ZMAT4: variants seen among roughly 807,000 people sequenced by gnomAD.
ZMAT4 encodes the protein zinc finger matrin-type 4.
Under a neutral mutation model 28.7 loss-of-function variants are expected in ZMAT4, and 17 were observed. The observed-to-expected ratio is 0.59, with a 90% CI of 0.41 to 0.89. The LOEUF (loss-of-function observed/expected upper bound fraction) is 0.89, where lower values mean the gene tolerates loss of function less well. Among genes scored for constraint, ZMAT4 ranks in the 40% least tolerant of loss-of-function variants. ZMAT4 has a pLI of 0.00. For missense variants in ZMAT4, 240 were observed against 283.8 expected, an observed-to-expected ratio of 0.85 and a Z score of 1.11; for synonymous variants, 117 against 109.2, an observed-to-expected ratio of 1.07 and a Z score of -0.44.
At chr8:40,765,222 CT>C (rs1813101691) in intron 3 of ZMAT4, among the ~76,000 whole-genome samples, 1 of 152,162 alleles carries the variant, frequency 6.6e-6, no homozygotes, top group Non-Finnish European at 1.5e-5. Context: ...CAGACAACGT[CT>C]TTATATATTC....
intron 6 of ZMAT4, among the ~76,000 whole-genome samples, chr8:40,555,876 A>G (rs1217570775): frequency 6.6e-6 from 1 of 152,032 alleles, no homozygotes; most frequent in Non-Finnish European, 1.5e-5. Flanking sequence ...ACACACTGCA[A>G]TTTGTTTTCT....
At chr8:40,799,172 TAG>T (rs113084676) in intron 2 of ZMAT4, among the ~76,000 whole-genome samples, 5 of 147,938 alleles carry the variant, frequency 3.4e-5, no homozygotes, top group Admixed American at 6.7e-5. Flanking sequence ...GATGGATGAA[TAG>T]AGAGAGAGAG....
At chr8:40,849,534 C>G (rs1817027203) in intron 1 of ZMAT4, among the ~76,000 whole-genome samples, 1 of 152,122 alleles carries the variant, frequency 6.6e-6, no homozygotes, top group Non-Finnish European at 1.5e-5. Context: ...GCCACCTGTC[C>G]CCTGAAGAAC....
At chr8:40,603,423 T>C (rs756904096) in intron 5 of ZMAT4, among the ~76,000 whole-genome samples, 2 of 152,196 alleles carry the variant, frequency 1.3e-5, no homozygotes, top group Non-Finnish European at 2.9e-5. Context: ...TTTTTGGTTC[T>C]GTATGAGTTT....
chr8:40,775,380 A>G (rs889607261), intron 2 of ZMAT4, among the ~76,000 whole-genome samples: 4 of 152,240 alleles, frequency 2.6e-5, no homozygotes, highest in African/African-American at 9.6e-5. Context: ...AGATAGTCCT[A>G]AGCGGCATTG....
At chr8:40,740,017 G>T (rs973484814) in intron 3 of ZMAT4, among the ~76,000 whole-genome samples, 1 of 152,092 alleles carries the variant, frequency 6.6e-6, no homozygotes, top group African/African-American at 2.4e-5. Flanking sequence ...TGTATATGTT[G>T]CCACATTTTC....
intron 3 of ZMAT4, among the ~76,000 whole-genome samples, chr8:40,729,997 T>A (rs1325313048): frequency 6.6e-6 from 1 of 152,208 alleles, no homozygotes; most frequent in Non-Finnish European, 1.5e-5. Flanking sequence ...ATAATTATGT[T>A]TAAAATCTGC....
chr8:40,612,629 C>T (rs1805840237), intron 5 of ZMAT4, among the ~76,000 whole-genome samples: 1 of 136,982 alleles, frequency 7.3e-6, no homozygotes, highest in African/African-American at 2.5e-5. Flanking sequence ...GTTCCAGACT[C>T]ATATATCCAA....
At chr8:40,673,704 G>T (rs932888890) in intron 5 of ZMAT4, among the ~76,000 whole-genome samples, 2 of 152,148 alleles carry the variant, frequency 1.3e-5, no homozygotes, top group Non-Finnish European at 2.9e-5. Context: ...TGCTTAAATG[G>T]TTGCTGGTGA....
intron 3 of ZMAT4, among the ~76,000 whole-genome samples, chr8:40,749,504 A>G (rs75804235): frequency 0.058 from 8,897 of 152,196 alleles, 332 homozygotes; most frequent in East Asian, 0.081. Flanking sequence ...GCATCACATT[A>G]TCTGACCCCT....
Position 40,541,232 on chromosome 8 carries a change from T to C in ZMAT4, c.675-8994A>G, listed in dbSNP as rs1304851600. 2.6e-5 allele frequency among the ~76,000 whole-genome samples: 4 copies of C among 152,170 alleles called. No homozygotes were observed. In the East Asian group the frequency reaches 7.7e-4, roughly 29 times the overall value. On this transcript the variant is annotated intron_variant, in intron 6 of 6. Coordinates refer to ENST00000297737, the MANE Select transcript of ZMAT4 (RefSeq NM_024645.3). Reference sequence around the variant, plus strand: ...TTAGGCTAAGTCAATTACTAAGTTATATAATTGGCAGAAACAGAGACAGGG... The same window carrying C: ...TTAGGCTAAGTCAATTACTAAGTTACATAATTGGCAGAAACAGAGACAGGG...
intron 5 of ZMAT4, among the ~76,000 whole-genome samples, chr8:40,631,492 G>A (rs1806581514): frequency 7.6e-6 from 1 of 132,178 alleles, no homozygotes. Context: ...ATTTTACAGA[G>A]TAGACACTAA....
intron 1 of ZMAT4, among the ~76,000 whole-genome samples, chr8:40,841,672 C>G (rs1056686951): frequency 6.6e-6 from 1 of 152,204 alleles, no homozygotes; most frequent in Admixed American, 6.5e-5. Flanking sequence ...AAAAGTATCT[C>G]TCTTCTCTGT....
At chr8:40,840,347 C>T (rs1816658541) in intron 1 of ZMAT4, among the ~76,000 whole-genome samples, 1 of 152,188 alleles carries the variant, frequency 6.6e-6, no homozygotes, top group African/African-American at 2.4e-5. Flanking sequence ...ACTCCCCATG[C>T]AGTTGGCTGA....
At chr8:40,771,090 A>T (rs1202262678) in intron 2 of ZMAT4, among the ~76,000 whole-genome samples, 1 of 152,166 alleles carries the variant, frequency 6.6e-6, no homozygotes, top group East Asian at 1.9e-4. Context: ...TTAACAACAG[A>T]AGGCTGATAA....
intron 2 of ZMAT4, among the ~76,000 whole-genome samples, chr8:40,798,493 T>A (rs1312547693): frequency 2.0e-5 from 3 of 152,264 alleles, no homozygotes; most frequent in Admixed American, 2.0e-4. Context: ...TAGAAACCAA[T>A]AAATACCTCT....
intron 1 of ZMAT4, among the ~76,000 whole-genome samples, chr8:40,880,440 C>G (rs1373732975): frequency 6.6e-6 from 1 of 152,002 alleles, no homozygotes; most frequent in African/African-American, 2.4e-5. Flanking sequence ...ATTAAAGTTC[C>G]TTACTGTATC....
At position 40,781,155 on chromosome 8, in the gene ZMAT4, T is replaced by G. The variant is rs147390319; in HGVS notation, c.103-13425A>C. On this transcript the variant is annotated intron_variant, in intron 2 of 6. Coordinates refer to ENST00000297737, the MANE Select transcript of ZMAT4 (RefSeq NM_024645.3). ...TAACTGATCCACCAAAAATTACAAT[T>G]AAGAAACGAATTCAGCCAGGCTGCA... Among the ~76,000 whole-genome samples the G allele has an allele frequency of 8.3e-3, 1,260 of 151,908 alleles. 21 individuals carry two copies. The highest frequency in any genetic ancestry group is 0.029 in the African/African-American group (1,181 of 41,226).
intron 1 of ZMAT4, among the ~76,000 whole-genome samples, chr8:40,894,032 G>T (rs557267655): frequency 5.3e-5 from 8 of 152,320 alleles, no homozygotes; most frequent in African/African-American, 1.9e-4. Context: ...CAGATTTAGG[G>T]GTGAGAACAA....
Sources: allele counts gnomAD v4.1 joint callset (sites outside exome capture counted in the v4.1 genomes callset), GRCh38; gene constraint gnomAD v4.1.1; transcripts MANE v1.5; gene names NCBI Gene and HGNC (gene_info 2026-07-23, HGNC 2026-07-21).